The following KANK1 variants were observed in gnomAD, a reference collection of about 807,000 sequenced individuals.
KANK1 encodes KN motif and ankyrin repeat domains 1, also known as KN motif and ankyrin repeat domain-containing protein 1.
KANK1 carries 109 observed loss-of-function variants against 106.2 expected under a neutral mutation model. That is an observed-to-expected ratio of 1.03 (90% CI 0.88 to 1.20). The LOEUF (loss-of-function observed/expected upper bound fraction) is 1.20. Ranked by LOEUF, KANK1 falls within the 50% of genes most tolerant of loss-of-function variation. The pLI is 0.00. For missense variants in KANK1, 2,399 were observed against 1,710.7 expected, an observed-to-expected ratio of 1.40 and a Z score of -7.10; for synonymous variants, 873 against 652.2, an observed-to-expected ratio of 1.34 and a Z score of -5.16.
chr9:691,047 T>C (rs1819791803), intron 2 of KANK1, among the ~76,000 whole-genome samples: 1 of 152,206 alleles, frequency 6.6e-6, no homozygotes, highest in Non-Finnish European at 1.5e-5. Flanking sequence ...GTGGGAACCT[T>C]TGTGACTGAT....
At chr9:684,411 A>G (rs1224003511) in intron 2 of KANK1, 9 of 985,390 alleles carry the variant, frequency 9.1e-6, no homozygotes, top group Non-Finnish European at 9.6e-6. Context: ...GAAAGAAAAA[A>G]ACACATACAA....
chr9:721,266 C>G (rs1286379720), intron 3 of KANK1, among the ~76,000 whole-genome samples: 4 of 152,134 alleles, frequency 2.6e-5, no homozygotes, highest in African/African-American at 9.7e-5. Flanking sequence ...TCAGGAGCCC[C>G]ACGTTATTTT....
In KANK1 at chr9:745,840, T is replaced by C. The variant is rs766377616; in HGVS notation, c.*605T>C. On this transcript the variant is annotated 3_prime_UTR_variant, in exon 12 of 12. Transcript: ENST00000382297. ...TATCTATATGAACTTGACACAGTAT[T>C]TTCAGCTTTTGTATTCCATACTAAA... 4 of 152,768 alleles carry C rather than the reference T, an allele frequency of 2.6e-5. No individual in the cohort carries two copies. Among genetic ancestry groups the C allele is most frequent in the Non-Finnish European group, 5.9e-5 (4 of 68,032 alleles). The allele number at this position is 152,768 out of a possible 1,614,324, so 9.5% of individuals were successfully genotyped here.
At chr9:640,430 C>T (rs777313115) in intron 1 of KANK1, among the ~76,000 whole-genome samples, 1 of 150,464 alleles carries the variant, frequency 6.6e-6, no homozygotes, top group South Asian at 2.1e-4. Flanking sequence ...CAGAGTCAGT[C>T]TCTGTCTCCC....
At chr9:597,220 T>G (rs1826438721) in intron 1 of KANK1, among the ~76,000 whole-genome samples, 1 of 151,822 alleles carries the variant, frequency 6.6e-6, no homozygotes, top group Non-Finnish European at 1.5e-5. Context: ...CTGTTTTCAG[T>G]TCTTTTAGGT....
chr9:667,340 T>C (rs985997493), intron 1 of KANK1, among the ~76,000 whole-genome samples: 4 of 152,074 alleles, frequency 2.6e-5, no homozygotes, highest in Non-Finnish European at 4.4e-5. Flanking sequence ...GCTAAAGTTT[T>C]GTCAGTTTTT....
At chr9:727,041 C>T (rs1047510500) in intron 3 of KANK1, among the ~76,000 whole-genome samples, 3 of 152,222 alleles carry the variant, frequency 2.0e-5, no homozygotes, top group Non-Finnish European at 4.4e-5. Flanking sequence ...TAATACACAT[C>T]ATGCTCATCT....
At chr9:572,556 A>AAC (rs1819481435) in intron 1 of KANK1, among the ~76,000 whole-genome samples, 1 of 151,914 alleles carries the variant, frequency 6.6e-6, no homozygotes, top group African/African-American at 2.4e-5. Context: ...CATCTCAAAA[A>AAC]AAAAAAATTT....
Position 711,136 on chromosome 9 carries a change from C to A in KANK1, c.370C>A (p.Pro124Thr), listed in dbSNP as rs552707734. The A allele has an allele frequency of 3.1e-6, 5 of 1,614,178 alleles. No homozygotes were observed. Among genetic ancestry groups the A allele is most frequent in the Non-Finnish European group, 3.4e-6 (4 of 1,180,034 alleles). Residue 124 changes from proline to threonine, a missense_variant, in exon 3 of 12, where the codon CCT (proline) becomes ACT (threonine). Coordinates refer to ENST00000382297, the MANE Select transcript of KANK1 (RefSeq NM_015158.5). The stretch of plus-strand genomic sequence containing the variant: ...AACTCCAATCTCAAAGCCACCTCCC[C>A]CTCTGGAGACCTCACTCCCTTTTCT... ...TSTPISKPPP[P>T]LETSLPFLTI...
chr9:599,142 C>T (rs1181848495), intron 1 of KANK1, among the ~76,000 whole-genome samples: 2 of 150,638 alleles, frequency 1.3e-5, no homozygotes, highest in African/African-American at 2.5e-5. Flanking sequence ...CCTCAGCCTC[C>T]TGAGTAGCTG....
At chr9:649,346 G>A (rs555386958) in intron 1 of KANK1, among the ~76,000 whole-genome samples, 1 of 152,170 alleles carries the variant, frequency 6.6e-6, no homozygotes, top group East Asian at 1.9e-4. Context: ...ACCCTCGAAA[G>A]CGTCCCAATT....
intron 3 of KANK1, among the ~76,000 whole-genome samples, chr9:724,116 T>G (rs1242156781): frequency 6.6e-6 from 1 of 151,990 alleles, no homozygotes; most frequent in Admixed American, 6.6e-5. Context: ...AAAAGACTAT[T>G]GGAGAAATTT....
rs1211957999 is a variant in KANK1 at position 713,065 on chromosome 9, A to C, written c.2299A>C (p.Asn767His). The part of the protein sequence containing the change: ...KESGVGQINI[N>H]DNYLVGLKMR... ...GTCAGGTGTGGGGCAGATAAATATT[A>C]ACGACAACTATCTGGTTGGTCTCAA... The change falls in exon 3 of 12, where the codon AAC (asparagine) becomes CAC (histidine). Residue 767 changes from asparagine to histidine, a missense_variant. Asn to His is a moderately conservative substitution (Grantham distance 68, BLOSUM62 1). Coordinates refer to ENST00000382297, the MANE Select transcript of KANK1 (RefSeq NM_015158.5). 38 of 1,613,992 alleles carry C rather than the reference A, an allele frequency of 2.4e-5. No individual in the cohort carries two copies. Among genetic ancestry groups the C allele is most frequent in the Non-Finnish European group, 3.1e-5 (37 of 1,179,998 alleles).
At chr9:633,797 C>G (rs1352728509) in intron 1 of KANK1, among the ~76,000 whole-genome samples, 1 of 152,146 alleles carries the variant, frequency 6.6e-6, no homozygotes, top group Non-Finnish European at 1.5e-5. Context: ...AGATTACAAG[C>G]ACATGCCACC....
At chr9:703,866 C>G (rs927531022) in intron 2 of KANK1, among the ~76,000 whole-genome samples, 1 of 152,026 alleles carries the variant, frequency 6.6e-6, no homozygotes, top group African/African-American at 2.4e-5. Context: ...TGCACACCAC[C>G]ATGCCCAGCT....
At position 711,470 on chromosome 9, in the gene KANK1, T is replaced by C. The variant is rs370898301; in HGVS notation, c.704T>C (p.Met235Thr). Residue 235 changes from methionine to threonine, a missense_variant, in exon 3 of 12, where the codon ATG becomes ACG. Physicochemically the swap from Met to Thr is moderately conservative, Grantham distance 81. Transcript: ENST00000382297. ...YAPAAPTTSS[M>T]GSSIRHSPLS... ...CCAGCTGCTCCCACCACTTCCTCCA[T>C]GGGGAGCTCCATCCGCCACAGCCCC... is the stretch of plus-strand genomic sequence containing the variant. The C allele has an allele frequency of 3.9e-5, 63 of 1,613,954 alleles. No individual in the cohort carries two copies. The highest frequency in any genetic ancestry group is 5.2e-5 in the Non-Finnish European group (61 of 1,180,016).
chr9:675,758 A>G (rs1816285706), intron 1 of KANK1, among the ~76,000 whole-genome samples: 2 of 152,188 alleles, frequency 1.3e-5, no homozygotes, highest in South Asian at 2.1e-4. Flanking sequence ...AAGTAAAAGC[A>G]AGTTTATTAA....
intron 1 of KANK1, among the ~76,000 whole-genome samples, chr9:605,320 AT>A (rs1442306200): frequency 1.4e-4 from 21 of 145,286 alleles, no homozygotes; most frequent in Admixed American, 3.4e-4. Context: ...AAAAAAAAAA[AT>A]CTAATACTAG....
intron 1 of KANK1, among the ~76,000 whole-genome samples, chr9:640,313 G>T (rs1444171137): frequency 4.0e-5 from 6 of 151,594 alleles, no homozygotes; most frequent in Non-Finnish European, 7.4e-5. Flanking sequence ...TCGGCTCTCT[G>T]CAGCCTCCAC....
Sources: allele counts gnomAD v4.1 joint callset (sites outside exome capture counted in the v4.1 genomes callset), GRCh38; gene constraint gnomAD v4.1.1; transcripts MANE v1.5; gene names NCBI Gene and HGNC (gene_info 2026-07-23, HGNC 2026-07-21).